The following FER variants were observed in gnomAD, a reference collection of about 807,000 sequenced individuals.
FER encodes FER tyrosine kinase.
A neutral mutation model predicts 111.0 loss-of-function variants in FER; 63 were observed. That is an observed-to-expected ratio of 0.57 (90% CI 0.46 to 0.70). The LOEUF (loss-of-function observed/expected upper bound fraction) is 0.70. Ranked by LOEUF, FER falls within the 30% of genes least tolerant of loss-of-function variation. The pLI, the probability that FER is intolerant of heterozygous loss-of-function variation, is 0.00. For missense variants in FER, 914 were observed against 954.0 expected, an observed-to-expected ratio of 0.96 and a Z score of 0.55; for synonymous variants, 327 against 313.9, an observed-to-expected ratio of 1.04 and a Z score of -0.44.
intron 2 of FER, among the ~76,000 whole-genome samples, chr5:108,778,333 T>A (rs1233805228): frequency 1.3e-5 from 2 of 152,230 alleles, no homozygotes; most frequent in Admixed American, 1.3e-4. Flanking sequence ...TACGGGGCAT[T>A]TAATTTAATC....
chr5:108,886,831 A>C (rs925664234), intron 9 of FER, among the ~76,000 whole-genome samples: 1 of 151,746 alleles, frequency 6.6e-6, no homozygotes, highest in Non-Finnish European at 1.5e-5. Context: ...TATATGACTA[A>C]AGAGTTACTG....
chr5:108,820,342 T>G, intron 3 of FER: 2 of 985,336 alleles, frequency 2.0e-6, no homozygotes, highest in Non-Finnish European at 2.4e-6. Flanking sequence ...ATGCTTAATT[T>G]TTGGTAGGAG....
intron 16 of FER, among the ~76,000 whole-genome samples, chr5:109,047,477 A>G (rs1324144042): frequency 5.3e-5 from 8 of 152,190 alleles, no homozygotes. Context: ...GCAAAACACT[A>G]TTTAGAAAAA....
At chr5:108,912,389 C>G (rs1309237766) in intron 10 of FER, among the ~76,000 whole-genome samples, 1 of 152,068 alleles carries the variant, frequency 6.6e-6, no homozygotes, top group East Asian at 1.9e-4. Flanking sequence ...GAGACAGAGT[C>G]TCGCTCTTGT....
chr5:108,999,900 TAGG>T (rs1764498942), intron 13 of FER, among the ~76,000 whole-genome samples: 1 of 152,084 alleles, frequency 6.6e-6, no homozygotes, highest in Non-Finnish European at 1.5e-5. Context: ...TTTTAATAAG[TAGG>T]AGGAAAGCCC....
chr5:108,851,864 A>G (rs772601772), intron 5 of FER, among the ~76,000 whole-genome samples: 1 of 152,168 alleles, frequency 6.6e-6, no homozygotes, highest in Non-Finnish European at 1.5e-5. Context: ...TTTCTCTTAC[A>G]TGAGTAGGAG....
chr5:108,797,748 T>G lies in FER; in HGVS notation c.-59-376T>G, dbSNP rs1427678692. 2.0e-5 allele frequency among the ~76,000 whole-genome samples: 3 copies of G among 152,382 alleles called. No homozygotes were observed. The East Asian group carries it at 5.8e-4, about 29-fold the overall frequency. On this transcript the variant is annotated intron_variant, in intron 2 of 19. Transcript: ENST00000281092. ...TGTAAATAGTTGTTAAATTTGGTTT[T>G]CCTGCTGGCAGGGGGCAGGGAGGCA...
Position 108,841,207 on chromosome 5 carries a change from G to T in FER, c.481+5400G>T, listed in dbSNP as rs149602538. ...GAGCAAAGAAAGCCTCTTGCTCAGG[G>T]CTGTCACTTTACTAGGTAGTGAACG... On this transcript the variant is annotated intron_variant, in intron 5 of 19. Coordinates refer to ENST00000281092, the MANE Select transcript of FER (RefSeq NM_005246.4). Among the ~76,000 whole-genome samples, 21 of 152,290 alleles carry T rather than the reference G, an allele frequency of 1.4e-4. 1 individual carries two copies. In the East Asian group the frequency reaches 4.1e-3, roughly 29 times the overall value.
At chr5:109,125,475 C>T (rs1404751933) in intron 17 of FER, among the ~76,000 whole-genome samples, 4 of 152,200 alleles carry the variant, frequency 2.6e-5, no homozygotes, top group African/African-American at 9.7e-5. Context: ...TTCACTGTCT[C>T]TTCCTACTGC....
intron 16 of FER, among the ~76,000 whole-genome samples, chr5:109,080,363 T>G (rs920154844): frequency 6.6e-6 from 1 of 152,126 alleles, no homozygotes; most frequent in African/African-American, 2.4e-5. Context: ...GAATACTCCA[T>G]GTGAGTGAAT....
intron 2 of FER, among the ~76,000 whole-genome samples, chr5:108,793,822 G>C (rs980807134): frequency 6.6e-6 from 1 of 152,004 alleles, no homozygotes; most frequent in African/African-American, 2.4e-5. Context: ...TTACCATGAA[G>C]CTTGCAAATA....
chr5:108,855,594 G>GAAAA (rs199949845), intron 5 of FER, among the ~76,000 whole-genome samples: 50 of 103,002 alleles, frequency 4.9e-4, no homozygotes, highest in African/African-American at 1.2e-3. Context: ...GCACTCCAGC[G>GAAAA]AAAAAAAAAA....
intron 3 of FER, among the ~76,000 whole-genome samples, chr5:108,805,487 T>C (rs1052444044): frequency 6.6e-6 from 1 of 151,984 alleles, no homozygotes; most frequent in Admixed American, 6.6e-5. Context: ...CAGGCAGAGG[T>C]TGGAACAGTT....
intron 13 of FER, among the ~76,000 whole-genome samples, chr5:108,986,594 C>A (rs1302845303): frequency 6.6e-6 from 1 of 152,044 alleles, no homozygotes; most frequent in East Asian, 1.9e-4. Context: ...AAATTTAAGT[C>A]CTTGATCCAT....
At chr5:109,060,610 G>A (rs1362028464) in intron 16 of FER, among the ~76,000 whole-genome samples, 1 of 151,988 alleles carries the variant, frequency 6.6e-6, no homozygotes, top group Non-Finnish European at 1.5e-5. Flanking sequence ...CTTGAACCCG[G>A]GAGGCGGAGG....
At chr5:109,018,666 C>T (rs1040834023) in intron 13 of FER, among the ~76,000 whole-genome samples, 5 of 151,564 alleles carry the variant, frequency 3.3e-5, no homozygotes, top group African/African-American at 4.8e-5. Context: ...TCCTTTGAAT[C>T]GTATATATGT....
chr5:109,081,847 A>G (rs541851071), intron 16 of FER, among the ~76,000 whole-genome samples: 84 of 152,096 alleles, frequency 5.5e-4, no homozygotes, highest in African/African-American at 1.9e-3. Flanking sequence ...AATATTTATT[A>G]ATTTATTACT....
At chr5:109,131,053 A>G (rs953494115) in intron 17 of FER, among the ~76,000 whole-genome samples, 1 of 152,200 alleles carries the variant, frequency 6.6e-6, no homozygotes, top group Non-Finnish European at 1.5e-5. Flanking sequence ...CTGACATAGA[A>G]GACACTCAAT....
At chr5:109,053,214 T>C (rs1459083053) in intron 16 of FER, among the ~76,000 whole-genome samples, 2 of 151,766 alleles carry the variant, frequency 1.3e-5, no homozygotes, top group Non-Finnish European at 2.9e-5. Flanking sequence ...CGAAACCCCA[T>C]CTCTACTAAA....
Sources: allele counts gnomAD v4.1 joint callset (sites outside exome capture counted in the v4.1 genomes callset), GRCh38; gene constraint gnomAD v4.1.1; transcripts MANE v1.5; gene names NCBI Gene and HGNC (gene_info 2026-07-23, HGNC 2026-07-21).